Variants in MSRA observed in about 807,000 individuals in gnomAD.
The protein encoded by MSRA is methionine sulfoxide reductase A, also known as mitochondrial peptide methionine sulfoxide reductase.
In MSRA, 54 loss-of-function variants were observed where a neutral mutation model predicts 31.3. That is an observed-to-expected ratio of 1.73 (90% CI 1.39 to 2.17). The LOEUF is 2.17. MSRA is among the 30% of genes most tolerant of loss of function. The probability of loss-of-function intolerance (pLI) is 0.00; values close to 1 mark genes in which losing one functional copy is unlikely to be tolerated. For synonymous variants in MSRA, 169 were observed against 116.5 expected (o/e 1.45, Z -2.90); for missense variants, 507 against 300.9 (o/e 1.69, Z -5.07).
chr8:10,267,038 G>A (rs865840224), intron 3 of MSRA, among the ~76,000 whole-genome samples: 2 of 152,048 alleles, frequency 1.3e-5, no homozygotes, highest in African/African-American at 2.4e-5. Context: ...TGCATTTCTC[G>A]AACGAACATG....
intron 2 of MSRA, among the ~76,000 whole-genome samples, chr8:10,211,788 G>C (rs1302536521): frequency 1.3e-5 from 2 of 152,122 alleles, no homozygotes; most frequent in East Asian, 1.9e-4. Context: ...CTTAATGAAA[G>C]TGACATTCCG....
intron 3 of MSRA, among the ~76,000 whole-genome samples, 165 bp downstream of exon 3, chr8:10,245,388 T>C (rs1479452694): frequency 2.0e-5 from 3 of 152,262 alleles, no homozygotes; most frequent in African/African-American, 7.2e-5. Context: ...TTTATATGTT[T>C]AGAAGATGAT....
At chr8:10,098,171 C>A (rs1585139971) in intron 1 of MSRA, among the ~76,000 whole-genome samples, 1 of 152,140 alleles carries the variant, frequency 6.6e-6, no homozygotes, top group Non-Finnish European at 1.5e-5. Context: ...TTAACTATTT[C>A]CATATTAGTA....
At chr8:10,217,177 A>G (rs561125314) in intron 2 of MSRA, among the ~76,000 whole-genome samples, 2 of 152,330 alleles carry the variant, frequency 1.3e-5, no homozygotes, top group South Asian at 4.1e-4. Flanking sequence ...AATCACACAT[A>G]TTTTGGATTC....
chr8:10,174,034 C>G (rs550676039), intron 1 of MSRA, among the ~76,000 whole-genome samples: 1 of 152,244 alleles, frequency 6.6e-6, no homozygotes, highest in Non-Finnish European at 1.5e-5. Flanking sequence ...ATGGTATCTT[C>G]TAGCTTGGAA....
chr8:10,134,637 G>C (rs961611801), intron 1 of MSRA, among the ~76,000 whole-genome samples: 9 of 152,198 alleles, frequency 5.9e-5, no homozygotes, highest in Non-Finnish European at 1.2e-4. Flanking sequence ...GGCAGACCAG[G>C]CATGACTGCA....
chr8:10,124,508 A>G (rs1585202413), intron 1 of MSRA, among the ~76,000 whole-genome samples: 1 of 152,220 alleles, frequency 6.6e-6, no homozygotes, highest in East Asian at 1.9e-4. Flanking sequence ...GAAAATTCTA[A>G]AAGTGACTGG....
At chr8:10,074,444 G>A (rs573158589) in intron 1 of MSRA, among the ~76,000 whole-genome samples, 21 of 152,078 alleles carry the variant, frequency 1.4e-4, no homozygotes, top group African/African-American at 4.8e-4. Flanking sequence ...GAAAAGAGTG[G>A]GATGAAGTAT....
In MSRA at chr8:10,299,027, C is replaced by A. The variant is rs192785369; in HGVS notation, c.332-2507C>A. On this transcript the variant is annotated intron_variant, in intron 3 of 5. Transcript: ENST00000317173. ...CCCTGTCACTAGCCAAGTAAGGGCA[C>A]CATTTCATTGTATCCTCAACAGCAC... Among the ~76,000 whole-genome samples the A allele has an allele frequency of 1.3e-4, 20 of 152,206 alleles. No homozygotes were observed. In the East Asian group the frequency reaches 3.5e-3, roughly 26 times the overall value.
chr8:10,409,682 G>A (rs749783495), intron 5 of MSRA, among the ~76,000 whole-genome samples: 7 of 152,286 alleles, frequency 4.6e-5, no homozygotes, highest in South Asian at 2.1e-4. Context: ...GGCCCTCCTC[G>A]CCCCACCAAC....
intron 1 of MSRA, among the ~76,000 whole-genome samples, chr8:10,100,814 A>C (rs6994687): frequency 0.046 from 7,024 of 152,162 alleles, 520 homozygotes; most frequent in African/African-American, 0.16. Context: ...GGAGATGAAC[A>C]TTTTCTTCTC....
chr8:10,133,998 T>A (rs1802085683), intron 1 of MSRA, among the ~76,000 whole-genome samples: 1 of 151,962 alleles, frequency 6.6e-6, no homozygotes, highest in South Asian at 2.1e-4. Context: ...GCCTGGCTAA[T>A]TTTTGTATTT....
intron 3 of MSRA, among the ~76,000 whole-genome samples, chr8:10,292,498 C>T (rs1800294868): frequency 6.6e-6 from 1 of 152,222 alleles, no homozygotes; most frequent in African/African-American, 2.4e-5. Context: ...TGCATCTCCT[C>T]TCCCTGCCCT....
At chr8:10,065,874 G>A (rs1426683681) in intron 1 of MSRA, among the ~76,000 whole-genome samples, 1 of 151,942 alleles carries the variant, frequency 6.6e-6, no homozygotes, top group Non-Finnish European at 1.5e-5. Context: ...TCCCAGTGGC[G>A]CTAAGAGTCA....
intron 1 of MSRA, among the ~76,000 whole-genome samples, chr8:10,094,261 T>A (rs1799006663): frequency 6.6e-6 from 1 of 152,218 alleles, no homozygotes; most frequent in Non-Finnish European, 1.5e-5. Context: ...TTAATAGAAT[T>A]TCAGATTGAT....
intron 5 of MSRA, among the ~76,000 whole-genome samples, chr8:10,332,211 C>G (rs7844149): frequency 1.3e-5 from 2 of 152,222 alleles, no homozygotes; most frequent in Admixed American, 1.3e-4. Flanking sequence ...TAAAACCCAT[C>G]TGAGTACCGA....
At chr8:10,124,272 A>G (rs1280922322) in intron 1 of MSRA, among the ~76,000 whole-genome samples, 1 of 152,212 alleles carries the variant, frequency 6.6e-6, no homozygotes, top group East Asian at 1.9e-4. Context: ...GACAGCTCCA[A>G]GAAGATTGGC....
intron 4 of MSRA, among the ~76,000 whole-genome samples, chr8:10,304,111 G>A (rs1297533949): frequency 6.6e-6 from 1 of 152,024 alleles, no homozygotes; most frequent in East Asian, 1.9e-4. Context: ...AATTTTTCAT[G>A]TTTATAATAG....
chr8:10,185,610 A>T (rs183859008), intron 1 of MSRA, among the ~76,000 whole-genome samples: 1 of 152,282 alleles, frequency 6.6e-6, no homozygotes, highest in East Asian at 1.9e-4. Flanking sequence ...GAAAGAACCA[A>T]AGAGAGAGCA....
Sources: allele counts gnomAD v4.1 joint callset (sites outside exome capture counted in the v4.1 genomes callset), GRCh38; gene constraint gnomAD v4.1.1; transcripts MANE v1.5; gene names NCBI Gene and HGNC (gene_info 2026-07-23, HGNC 2026-07-21).